RORA: variants seen among roughly 807,000 people sequenced by gnomAD.
RORA encodes RAR related orphan receptor A.
Under a neutral mutation model 69.5 loss-of-function variants are expected in RORA, and 7 were observed. That is an observed-to-expected ratio of 0.10 (90% confidence interval 0.06 to 0.19). The LOEUF (loss-of-function observed/expected upper bound fraction) is 0.19, where lower values mean the gene tolerates loss of function less well. Ranked by LOEUF, RORA falls within the 10% of genes least tolerant of loss-of-function variation. The probability of loss-of-function intolerance (pLI) is 1.00; values close to 1 mark genes in which losing one functional copy is unlikely to be tolerated. For missense variants in RORA, 457 were observed against 663.0 expected (o/e 0.69, Z 3.41); for synonymous variants, 261 against 240.8 (o/e 1.08, Z -0.78).
At chr15:61,108,007 G>C (rs1327185428) in intron 1 of RORA, among the ~76,000 whole-genome samples, 1 of 152,188 alleles carries the variant, frequency 6.6e-6, no homozygotes, top group Non-Finnish European at 1.5e-5. Context: ...ATTTTAAAAT[G>C]TCTAGAGAAA....
chr15:61,164,823 T>A (rs1159832270), intron 1 of RORA, among the ~76,000 whole-genome samples: 1 of 152,174 alleles, frequency 6.6e-6, no homozygotes, highest in Admixed American at 6.5e-5. Context: ...TATGGAGGGA[T>A]AACAGAAAAA....
intron 1 of RORA, among the ~76,000 whole-genome samples, chr15:60,861,378 T>A (rs2073434367): frequency 6.6e-6 from 1 of 152,222 alleles, no homozygotes; most frequent in Admixed American, 6.5e-5. Context: ...AAAGTGCTTT[T>A]ATAAGTATTT....
At chr15:60,703,737 A>G (rs2071019476) in intron 1 of RORA, among the ~76,000 whole-genome samples, 1 of 152,202 alleles carries the variant, frequency 6.6e-6, no homozygotes, top group Admixed American at 6.5e-5. Context: ...GGAGAAGTCT[A>G]TGTCATAATT....
rs190479741 is a variant in RORA, at chr15:61,061,322, G to A, written c.166+167731C>T. Reference sequence around the variant, plus strand: ...GAGCCGAGGTTGTGCCACTGCAGGCGTGCAGGGAGACAGAGCGAGGCTCTA... The same window carrying A: ...GAGCCGAGGTTGTGCCACTGCAGGCATGCAGGGAGACAGAGCGAGGCTCTA... On this transcript the variant is annotated intron_variant, in intron 1 of 10. Transcript: ENST00000335670. The surrounding 1 kb of genome is among the most constrained non-coding windows in gnomAD (Gnocchi z 4.4). 1.2e-3 allele frequency among the ~76,000 whole-genome samples: 182 copies of A among 151,766 alleles called. No homozygotes were observed. Among genetic ancestry groups the A allele is most frequent in the Non-Finnish European group, 9.0e-4 (61 of 67,968 alleles).
chr15:60,755,738 G>A (rs58469372), intron 1 of RORA, among the ~76,000 whole-genome samples: 23,464 of 152,212 alleles, frequency 0.15, 2,145 homozygotes, highest in East Asian at 0.41. Flanking sequence ...ATACATGATT[G>A]TTCTTCATGG....
intron 1 of RORA, among the ~76,000 whole-genome samples, chr15:61,203,243 G>A (rs1287554342): frequency 6.6e-6 from 1 of 152,174 alleles, no homozygotes; most frequent in Non-Finnish European, 1.5e-5. Context: ...AACACATTTG[G>A]CATGTTTCCA....
rs1024840310 is a variant in RORA, at chr15:60,492,418, C to T, written c.*5037G>A. 2.6e-5 allele frequency: 4 copies of T among 152,138 alleles called. No individual in the cohort carries two copies. The highest frequency in any genetic ancestry group is 6.5e-5 in the Admixed American group (1 of 15,278). 9.4% of individuals were successfully genotyped at this position (152,138 alleles called of 1,614,324 possible). A position where few individuals can be genotyped will look rare whatever the true frequency, so the allele number is the denominator to read the frequency against. ...CTTGTAATGCATCAGATATAAACTA[C>T]ACATGTAGAAGTAAGAATTGTTTTC... On this transcript the variant is annotated 3_prime_UTR_variant, in exon 11 of 11. Transcript: ENST00000335670.
intron 1 of RORA, among the ~76,000 whole-genome samples, chr15:61,196,733 A>G (rs572473048): frequency 6.6e-6 from 1 of 152,272 alleles, no homozygotes; most frequent in Non-Finnish European, 1.5e-5. Context: ...TAAGATATTT[A>G]AAAAGTCACC....
intron 1 of RORA, among the ~76,000 whole-genome samples, chr15:60,876,497 C>G (rs1480266513): frequency 2.0e-5 from 3 of 152,138 alleles, no homozygotes. Context: ...TGCACTGATG[C>G]CCATACACAT....
rs1385348920 is a variant in RORA, at chr15:60,722,402, G to C, written c.167-43716C>G. 1.3e-5 allele frequency among the ~76,000 whole-genome samples: 2 copies of C among 152,180 alleles called. 1 individual carries two copies. Among genetic ancestry groups the C allele is most frequent in the Admixed American group, 1.3e-4 (2 of 15,278 alleles). ...CCATCACTCACTGCACTATTTCTTA[G>C]AACTTTTATCTTTACATATGTACAA... On this transcript the variant is annotated intron_variant, in intron 1 of 10. Transcript: ENST00000335670.
chr15:60,785,312 A>G (rs1166186986), intron 1 of RORA, among the ~76,000 whole-genome samples: 1 of 152,192 alleles, frequency 6.6e-6, no homozygotes, highest in Non-Finnish European at 1.5e-5. Flanking sequence ...TGGGTTTGAA[A>G]CTTTCTTCCT....
At chr15:61,087,028 C>T (rs986553056) in intron 1 of RORA, among the ~76,000 whole-genome samples, 2 of 152,050 alleles carry the variant, frequency 1.3e-5, no homozygotes, top group African/African-American at 4.8e-5. Context: ...AAAAATTGGC[C>T]AGCCATGGCA....
intron 1 of RORA, among the ~76,000 whole-genome samples, chr15:60,813,634 G>A (rs373662598): frequency 4.7e-4 from 71 of 150,866 alleles, no homozygotes; most frequent in African/African-American, 1.7e-3. Context: ...TTGTGTGGCT[G>A]AACTTAGAGT....
intron 1 of RORA, among the ~76,000 whole-genome samples, chr15:60,712,977 TG>T (rs2071164385): frequency 6.6e-6 from 1 of 152,002 alleles, no homozygotes; most frequent in Non-Finnish European, 1.5e-5. Flanking sequence ...ACTTTGAACC[TG>T]GGTTAAGCAG....
intron 1 of RORA, among the ~76,000 whole-genome samples, chr15:60,853,143 T>A (rs959983839): frequency 9.9e-5 from 15 of 152,098 alleles, no homozygotes; most frequent in African/African-American, 1.7e-4. Flanking sequence ...CGGTACACGC[T>A]TCCAATTAAA....
intron 1 of RORA, among the ~76,000 whole-genome samples, chr15:60,910,894 TG>T (rs753072359): frequency 7.0e-6 from 1 of 143,170 alleles, no homozygotes; most frequent in Non-Finnish European, 1.5e-5. Context: ...TTGTTGTTGT[TG>T]TTTTTTGGGT....
chr15:60,996,027 G>C (rs77655018), intron 1 of RORA, among the ~76,000 whole-genome samples: 354 of 152,022 alleles, frequency 2.3e-3, no homozygotes, highest in African/African-American at 8.3e-3. Flanking sequence ...GCTTATGTGA[G>C]GAAAGTTTCT....
intron 2 of RORA, among the ~76,000 whole-genome samples, chr15:60,593,948 A>C (rs899418735): frequency 2.2e-4 from 33 of 152,238 alleles, no homozygotes; most frequent in African/African-American, 7.7e-4. Context: ...GCCCCCTTTC[A>C]AGGCAAAATT....
chr15:60,878,343 C>CA (rs35845582), intron 1 of RORA, among the ~76,000 whole-genome samples: 1,079 of 68,180 alleles, frequency 0.016, 23 homozygotes, highest in African/African-American at 0.031. Context: ...GACTCTGTCT[C>CA]AAAAAAAAAA....
Sources: allele counts gnomAD v4.1 joint callset (sites outside exome capture counted in the v4.1 genomes callset), GRCh38; gene constraint gnomAD v4.1.1; non-coding constraint Gnocchi (gnomAD v3.1); transcripts MANE v1.5; gene names NCBI Gene and HGNC (gene_info 2026-07-23, HGNC 2026-07-21).